Variants in LARGE1 observed in about 807,000 individuals in gnomAD.
LARGE1 encodes the protein LARGE xylosyl- and glucuronyltransferase 1, also known as xylosyl- and glucuronyltransferase LARGE1.
LARGE1 carries 43 observed loss-of-function variants against 87.6 expected under a neutral mutation model. That is an observed-to-expected ratio of 0.49 (90% CI 0.38 to 0.63). The LOEUF (loss-of-function observed/expected upper bound fraction) is 0.63, where lower values mean the gene tolerates loss of function less well. Among genes scored for constraint, LARGE1 ranks in the 30% least tolerant of loss-of-function variants. The probability of loss-of-function intolerance (pLI) is 0.00; values close to 1 mark genes in which losing one functional copy is unlikely to be tolerated. For synonymous variants in LARGE1, 434 were observed against 394.6 expected (o/e 1.10, Z -1.18); for missense variants, 802 against 1,000.2 (o/e 0.80, Z 2.67).
intron 11 of LARGE1, among the ~76,000 whole-genome samples, chr22:33,235,199 C>T (rs1459341648): frequency 6.6e-6 from 1 of 152,214 alleles, no homozygotes; most frequent in Non-Finnish European, 1.5e-5. Flanking sequence ...GACAAGGTTT[C>T]TCCTGCATGC....
At chr22:33,304,565 G>C in intron 11 of LARGE1, 58 bp from the exon 12 acceptor site, 2 of 1,494,152 alleles carry the variant, frequency 1.3e-6, no homozygotes, top group Non-Finnish European at 1.8e-6. Context: ...ATCATCCGCC[G>C]GGCCTGTTGT....
intron 6 of LARGE1, among the ~76,000 whole-genome samples, chr22:33,463,684 T>C (rs2068471066): frequency 6.6e-6 from 1 of 152,114 alleles, no homozygotes. Flanking sequence ...TGGTACTATA[T>C]TTTTTTGAGA....
chr22:33,428,323 T>TC (rs1157799186), intron 7 of LARGE1, among the ~76,000 whole-genome samples: 2 of 150,914 alleles, frequency 1.3e-5, no homozygotes, highest in African/African-American at 2.4e-5. Flanking sequence ...TATGTCTTTT[T>TC]TTTTTTTTTT....
chr22:33,084,669 A>T, the LARGE1 span, among the ~76,000 whole-genome samples: 2 of 152,154 alleles, frequency 1.3e-5, no homozygotes, highest in Non-Finnish European at 2.9e-5. Context: ...AAAACAAAAC[A>T]AACAAACAGA....
chr22:33,915,439 T>C lies in LARGE1; in HGVS notation c.-83+4556A>G, dbSNP rs192287442. Among the ~76,000 whole-genome samples, 937 of 152,340 alleles carry C rather than the reference T, an allele frequency of 6.2e-3. 7 individuals are homozygous for C. The highest frequency in any genetic ancestry group is 8.8e-3 in the Non-Finnish European group (601 of 68,026). On this transcript the variant is annotated intron_variant, in intron 1 of 14. Coordinates refer to ENST00000397394, the MANE Select transcript of LARGE1 (RefSeq NM_133642.5). ...TTGTTCTCACCTAAGTGTTTTTTTT[T>C]TCATATTATATCATTTGTCAAGTAA...
At chr22:33,787,338 TG>T (rs1325802941) in intron 1 of LARGE1, among the ~76,000 whole-genome samples, 25 of 152,324 alleles carry the variant, frequency 1.6e-4, no homozygotes, top group African/African-American at 5.8e-4. Flanking sequence ...GTGAGTGCAC[TG>T]ATCAGGACAT....
At chr22:33,550,140 TATAC>T (rs1323585282) in intron 6 of LARGE1, among the ~76,000 whole-genome samples, 2 of 96,696 alleles carry the variant, frequency 2.1e-5, no homozygotes, top group African/African-American at 8.4e-5. Context: ...GAACTTAAAG[TATAC>T]ACACACACAC....
At chr22:33,542,340 C>T (rs1324027406) in intron 6 of LARGE1, among the ~76,000 whole-genome samples, 2 of 151,764 alleles carry the variant, frequency 1.3e-5, no homozygotes, top group Admixed American at 6.6e-5. Context: ...TCATGGGAAC[C>T]CTGTTTGGGG....
intron 9 of LARGE1, among the ~76,000 whole-genome samples, chr22:33,354,903 A>G (rs1242214622): frequency 6.6e-6 from 1 of 152,258 alleles, no homozygotes; most frequent in East Asian, 1.9e-4. Flanking sequence ...CACATTCAAT[A>G]ATATTGCTAT....
At chr22:33,310,113 C>G (rs117796734) in intron 11 of LARGE1, among the ~76,000 whole-genome samples, 1 of 152,244 alleles carries the variant, frequency 6.6e-6, no homozygotes, top group East Asian at 1.9e-4. Flanking sequence ...GATTCTGGTT[C>G]AGGAGGTCTG....
At chr22:33,141,276 C>T in the LARGE1 span, among the ~76,000 whole-genome samples, 1 of 151,600 alleles carries the variant, frequency 6.6e-6, no homozygotes, top group Non-Finnish European at 1.5e-5. Flanking sequence ...AAGAATAGCT[C>T]TAAAAACTGG....
chr22:33,780,703 G>A (rs959250153), intron 1 of LARGE1, among the ~76,000 whole-genome samples: 1 of 152,212 alleles, frequency 6.6e-6, no homozygotes, highest in Admixed American at 6.5e-5. Context: ...CCCATCAGGA[G>A]ACATAAATCC....
chr22:33,428,306 G>A (rs1259824788), intron 7 of LARGE1, among the ~76,000 whole-genome samples: 1 of 141,234 alleles, frequency 7.1e-6, no homozygotes, highest in African/African-American at 2.7e-5. Flanking sequence ...TCACATACTA[G>A]GTTTGTTATG....
intron 11 of LARGE1, among the ~76,000 whole-genome samples, chr22:33,216,187 C>T (rs977447595): frequency 1.3e-5 from 2 of 152,180 alleles, no homozygotes; most frequent in Non-Finnish European, 2.9e-5. Flanking sequence ...TTTTATTCTG[C>T]ACCATTGTTC....
chr22:33,621,045 T>C lies in LARGE1; in HGVS notation c.491+5199A>G, dbSNP rs540071670. 3.9e-5 allele frequency among the ~76,000 whole-genome samples: 6 copies of C among 152,366 alleles called. No individual in the cohort carries two copies. In the South Asian group the frequency reaches 8.3e-4, roughly 21 times the overall value. ...CCTGTATATGTGTACATGTCACATATAGGCATGTGTGTGTATACTGAAATA... is the reference window on the plus strand; with the variant it reads ...CCTGTATATGTGTACATGTCACATACAGGCATGTGTGTGTATACTGAAATA... On this transcript the variant is annotated intron_variant, in intron 4 of 14. Coordinates refer to ENST00000397394, the MANE Select transcript of LARGE1 (RefSeq NM_133642.5).
chr22:33,237,219 A>C (rs1019542239), intron 11 of LARGE1, among the ~76,000 whole-genome samples: 5 of 152,216 alleles, frequency 3.3e-5, no homozygotes, highest in Admixed American at 3.3e-4. Flanking sequence ...TATTAGCAAA[A>C]TATCATGACT....
chr22:33,662,122 T>A (rs894316833), intron 2 of LARGE1, among the ~76,000 whole-genome samples: 3 of 151,654 alleles, frequency 2.0e-5, no homozygotes, highest in Non-Finnish European at 4.4e-5. Context: ...CATAGTGTTT[T>A]CAAAGTGGCC....
At chr22:33,502,678 C>T (rs1161748377) in intron 6 of LARGE1, among the ~76,000 whole-genome samples, 2 of 152,122 alleles carry the variant, frequency 1.3e-5, no homozygotes, top group Admixed American at 1.3e-4. Context: ...ACGCCATCCT[C>T]CTACCTCAGC....
At chr22:33,756,520 CCAGA>C (rs2084518866) in intron 2 of LARGE1, among the ~76,000 whole-genome samples, 1 of 152,004 alleles carries the variant, frequency 6.6e-6, no homozygotes, top group African/African-American at 2.4e-5. Context: ...ATCTAGGCAG[CCAGA>C]CAAAGAAGAG....
Sources: gnomAD v4.1 joint callset for allele counts (sites outside exome capture counted in the v4.1 genomes callset) on GRCh38, gnomAD v4.1.1 for gene constraint, MANE v1.5 for transcripts, NCBI Gene and HGNC (gene_info 2026-07-23, HGNC 2026-07-21) for gene names.